The following NAPB variants were observed in gnomAD, a reference collection of about 807,000 sequenced individuals.
NAPB encodes beta-soluble NSF attachment protein.
A neutral mutation model predicts 44.7 loss-of-function variants in NAPB; 26 were observed. The observed-to-expected ratio is 0.58, with a 90% confidence interval of 0.43 to 0.81. NAPB has a LOEUF of 0.81. Ranked by LOEUF, NAPB falls within the 30% of genes least tolerant of loss-of-function variation. NAPB has a pLI of 0.00. For synonymous variants in NAPB, 120 were observed against 116.8 expected (o/e 1.03, Z -0.18); for missense variants, 315 against 356.4 (o/e 0.88, Z 0.94).
intron 2 of NAPB, among the ~76,000 whole-genome samples, chr20:23,397,412 T>C (rs1984451013): frequency 6.6e-6 from 1 of 152,226 alleles, no homozygotes; most frequent in South Asian, 2.1e-4. Context: ...CAGCAGACTT[T>C]CCAAGTGTCC....
intron 7 of NAPB, among the ~76,000 whole-genome samples, chr20:23,384,265 C>A (rs1983284908): frequency 6.6e-6 from 1 of 152,160 alleles, no homozygotes; most frequent in African/African-American, 2.4e-5. Flanking sequence ...CTTAGAAACA[C>A]TGGAAAATCA....
At chr20:23,415,926 A>T (rs1233400087) in intron 1 of NAPB, among the ~76,000 whole-genome samples, 1 of 152,226 alleles carries the variant, frequency 6.6e-6, no homozygotes, top group Non-Finnish European at 1.5e-5. Flanking sequence ...ATATCTCGCC[A>T]CTGCCTTCCA....
chr20:23,421,425 GCC>G lies in NAPB; in HGVS notation c.-25_-24del. 1 of 1,537,894 alleles carries G rather than the reference GCC, an allele frequency of 6.5e-7. No homozygotes were observed. On this transcript the variant is annotated 5_prime_UTR_variant, in exon 1 of 11. Coordinates refer to ENST00000377026, the MANE Select transcript of NAPB (RefSeq NM_022080.3). Reference sequence around the variant, plus strand: ...CATGTCGCCCGCCGCGGCCGCCACAGCCCCCTCAGCCGGCTCGCTGTGCGCCC... The same window carrying G: ...CATGTCGCCCGCCGCGGCCGCCACAGCCCTCAGCCGGCTCGCTGTGCGCCC...
At chr20:23,397,900 G>C (rs1414142222) in intron 2 of NAPB, among the ~76,000 whole-genome samples, 1 of 152,196 alleles carries the variant, frequency 6.6e-6, no homozygotes, top group African/African-American at 2.4e-5. Context: ...TAAGGTACAT[G>C]AACTAATCTT....
At chr20:23,404,897 G>A (rs775170138) in intron 1 of NAPB, among the ~76,000 whole-genome samples, 1 of 152,200 alleles carries the variant, frequency 6.6e-6, no homozygotes, top group Non-Finnish European at 1.5e-5. Flanking sequence ...CCTTATATAT[G>A]TGGAGAAACC....
chr20:23,379,314 G>A, intron 10 of NAPB, 131 bp downstream of exon 10: 1 of 659,466 alleles, frequency 1.5e-6, no homozygotes, highest in Non-Finnish European at 2.5e-6. Context: ...GGTGACGTTT[G>A]GAAAATACAA....
intron 1 of NAPB, among the ~76,000 whole-genome samples, chr20:23,416,040 A>C (rs1288974182): frequency 6.6e-6 from 1 of 152,224 alleles, no homozygotes; most frequent in Non-Finnish European, 1.5e-5. Context: ...TTTGCTCTTG[A>C]AAACTAGGTA....
At chr20:23,399,171 A>G (rs1383076031) in intron 2 of NAPB, among the ~76,000 whole-genome samples, 1 of 152,046 alleles carries the variant, frequency 6.6e-6, no homozygotes, top group Non-Finnish European at 1.5e-5. Context: ...TAAAAAGAGT[A>G]CCCAGGCATC....
At chr20:23,393,723 T>G (rs1984143089) in intron 5 of NAPB, among the ~76,000 whole-genome samples, 1 of 152,190 alleles carries the variant, frequency 6.6e-6, no homozygotes, top group African/African-American at 2.4e-5. Flanking sequence ...TGTGGGGATC[T>G]ACTATGTCTT....
chr20:23,411,097 G>C (rs183390053), intron 1 of NAPB, among the ~76,000 whole-genome samples: 11 of 152,240 alleles, frequency 7.2e-5, no homozygotes, highest in African/African-American at 2.6e-4. Flanking sequence ...TGGGCAAAGA[G>C]CCAATATCCA....
Position 23,389,973 on chromosome 20 carries a change from G to C in NAPB, c.534C>G (p.Tyr178Ter). 1.2e-6 allele frequency: 2 copies of C among 1,614,084 alleles called. No homozygotes were observed. The highest frequency in any genetic ancestry group is 1.7e-6 in the Non-Finnish European group (2 of 1,179,968). ...GCTCATAGATCTCAATGGCTTTCTGGTACTGCTCAAGCTGGGCAGCATATG... is the reference window on the plus strand; with the variant it reads ...GCTCATAGATCTCAATGGCTTTCTGCTACTGCTCAAGCTGGGCAGCATATG... ...VAAYAAQLEQ[Y>*]QKAIEIYEQV... The change falls in exon 7 of 11, where the codon TAC becomes TAG. Residue 178 changes from tyrosine to a stop codon, truncating the protein, a stop_gained. Transcript: ENST00000377026. LOFTEE classifies it high-confidence loss of function.
At position 23,382,577 on chromosome 20, in the gene NAPB, T is replaced by C. The variant is rs556460202; in HGVS notation, c.562-1260A>G. On this transcript the variant is annotated intron_variant, in intron 7 of 10. Coordinates refer to ENST00000377026, the MANE Select transcript of NAPB (RefSeq NM_022080.3). The stretch of plus-strand genomic sequence containing the variant: ...ATAACACCTGAAGCTAATGGAAAAA[T>C]GGAAAGCATCCACAAAGAAAAAGGA... Among the ~76,000 whole-genome samples the C allele has an allele frequency of 3.5e-5, 5 of 142,180 alleles. No homozygotes were observed. In the South Asian group the frequency reaches 1.1e-3, roughly 32 times the overall value. The allele number at this position is 142,180 out of a possible 152,430, so 93.3% of individuals were successfully genotyped here.
chr20:23,394,514 G>A (rs1252371508), intron 5 of NAPB, among the ~76,000 whole-genome samples: 3 of 152,132 alleles, frequency 2.0e-5, no homozygotes, highest in Admixed American at 6.5e-5. Flanking sequence ...TTGGAGAGAG[G>A]TCTAGGCTGC....
intron 1 of NAPB, among the ~76,000 whole-genome samples, chr20:23,413,258 C>A (rs1985782307): frequency 2.0e-5 from 3 of 151,230 alleles, no homozygotes; most frequent in Admixed American, 2.0e-4. Context: ...TAATAATATA[C>A]AAAGAAAGGC....
intron 2 of NAPB, among the ~76,000 whole-genome samples, chr20:23,398,013 G>A (rs1984503876): frequency 6.6e-6 from 1 of 152,226 alleles, no homozygotes; most frequent in African/African-American, 2.4e-5. Context: ...CAGAAGAAAT[G>A]CTTGAAGGTA....
chr20:23,421,098 G>A (rs1479488816), intron 1 of NAPB, among the ~76,000 whole-genome samples: 2 of 151,624 alleles, frequency 1.3e-5, no homozygotes, highest in South Asian at 2.1e-4. Context: ...GGCGCGTGCG[G>A]ACTGAGGGCC....
intron 7 of NAPB, among the ~76,000 whole-genome samples, chr20:23,382,972 T>C (rs1194853520): frequency 6.6e-6 from 1 of 151,972 alleles, no homozygotes. Flanking sequence ...CTGGTCAACA[T>C]GGCGAAACCT....
intron 1 of NAPB, among the ~76,000 whole-genome samples, chr20:23,418,909 T>C (rs565951448): frequency 1.1e-4 from 16 of 152,078 alleles, no homozygotes; most frequent in African/African-American, 3.9e-4. Flanking sequence ...ATCCCGCCAC[T>C]GCAATCCAGC....
chr20:23,397,038 C>T lies in NAPB; in HGVS notation c.295+34G>A, dbSNP rs780947603. 1.3e-5 allele frequency: 20 copies of T among 1,598,088 alleles called. No individual in the cohort carries two copies. In the South Asian group the frequency reaches 2.2e-4, roughly 18 times the overall value. On this transcript the variant is annotated intron_variant, in intron 3 of 10. Transcript: ENST00000377026. ...GAAGTACTGACTGGTTAGTTACACA[C>T]AGAGATAGCATGCTACATGCCTGGC...
Sources: gnomAD v4.1 joint callset for allele counts (sites outside exome capture counted in the v4.1 genomes callset) on GRCh38, gnomAD v4.1.1 for gene constraint, MANE v1.5 for transcripts, NCBI Gene and HGNC (gene_info 2026-07-23, HGNC 2026-07-21) for gene names.